Variants in AGBL1 observed in about 807,000 individuals in gnomAD.
AGBL1 encodes AGBL carboxypeptidase 1.
A neutral mutation model predicts 118.9 loss-of-function variants in AGBL1; 130 were observed. The ratio of observed to expected loss-of-function variants is 1.09; its 90% CI spans 0.95 to 1.26. The LOEUF is 1.26. Ranked by LOEUF, AGBL1 falls within the 50% of genes most tolerant of loss-of-function variation. The pLI is 0.00. For missense variants in AGBL1, 1,584 were observed against 1,298.1 expected (o/e 1.22, Z -3.38); for synonymous variants, 555 against 478.9 (o/e 1.16, Z -2.08).
At chr15:86,158,854 T>TA in intron 4 of AGBL1, 79 bp from the exon 5 acceptor site, 1 of 1,288,856 alleles carries the variant, frequency 7.8e-7, no homozygotes, top group African/African-American at 1.5e-5. Flanking sequence ...CTTAAAGATT[T>TA]AAAGGAGTCA....
At chr15:87,006,960 A>G (rs1367876215) in intron 24 of AGBL1, among the ~76,000 whole-genome samples, 1 of 152,184 alleles carries the variant, frequency 6.6e-6, no homozygotes, top group Non-Finnish European at 1.5e-5. Flanking sequence ...GGGTTTTGCT[A>G]TCCCCAAAAC....
chr15:86,686,231 G>A (rs2086053177), intron 22 of AGBL1, among the ~76,000 whole-genome samples: 1 of 152,088 alleles, frequency 6.6e-6, no homozygotes, highest in African/African-American at 2.4e-5. Context: ...AGAAGGCCTG[G>A]AGAGTTTGAA....
chr15:86,899,434 C>G (rs1035993877), intron 22 of AGBL1, among the ~76,000 whole-genome samples: 1 of 152,088 alleles, frequency 6.6e-6, no homozygotes, highest in Admixed American at 6.6e-5. Flanking sequence ...CTATTGGGTA[C>G]TGGCTTAATA....
chr15:86,227,499 G>A (rs2078385458), intron 6 of AGBL1, among the ~76,000 whole-genome samples: 1 of 152,200 alleles, frequency 6.6e-6, no homozygotes, highest in African/African-American at 2.4e-5. Context: ...AACATCCCTG[G>A]CCTCTACCCA....
intron 22 of AGBL1, among the ~76,000 whole-genome samples, chr15:86,743,250 C>T (rs1045487558): frequency 3.3e-5 from 5 of 151,898 alleles, no homozygotes; most frequent in African/African-American, 1.2e-4. Flanking sequence ...ATTGACTTTG[C>T]GATTATTTTT....
intron 18 of AGBL1, among the ~76,000 whole-genome samples, chr15:86,482,794 C>G (rs544734582): frequency 5.2e-4 from 79 of 151,956 alleles, no homozygotes; most frequent in African/African-American, 1.9e-3. Context: ...TTTTTTCAAT[C>G]ATTTTGCTTT....
intron 22 of AGBL1, among the ~76,000 whole-genome samples, chr15:86,785,478 G>A (rs2078397902): frequency 6.6e-6 from 1 of 150,614 alleles, no homozygotes; most frequent in South Asian, 2.1e-4. Context: ...AGGTTCAAGC[G>A]ATCCTCCTGC....
intron 21 of AGBL1, among the ~76,000 whole-genome samples, chr15:86,585,717 G>GA (rs1372182126): frequency 2.6e-5 from 4 of 152,072 alleles, no homozygotes; most frequent in African/African-American, 4.8e-5. Flanking sequence ...AAGGGTTAGA[G>GA]AAAAAATGGT....
chr15:86,791,519 C>T (rs561589065), intron 22 of AGBL1, among the ~76,000 whole-genome samples: 1 of 152,126 alleles, frequency 6.6e-6, no homozygotes, highest in Admixed American at 6.5e-5. Flanking sequence ...CTCAGTACTC[C>T]TTAGGGAAGT....
At chr15:86,208,455 T>C (rs1183289917) in intron 5 of AGBL1, among the ~76,000 whole-genome samples, 2 of 152,162 alleles carry the variant, frequency 1.3e-5, no homozygotes, top group Non-Finnish European at 2.9e-5. Flanking sequence ...GGTCCTGGAC[T>C]TTTTGGATTG....
chr15:86,820,011 T>C (rs1174381627), intron 22 of AGBL1, among the ~76,000 whole-genome samples: 2 of 151,884 alleles, frequency 1.3e-5, no homozygotes, highest in African/African-American at 2.4e-5. Flanking sequence ...ATCTGATCTT[T>C]GACAAACCTG....
intron 17 of AGBL1, among the ~76,000 whole-genome samples, chr15:86,314,730 C>T (rs2079973165): frequency 6.6e-6 from 1 of 152,142 alleles, no homozygotes; most frequent in South Asian, 2.1e-4. Flanking sequence ...AGTAGGAAGT[C>T]CCTTTAATCC....
At chr15:86,110,505 TCGAGAA>T (rs1016388329) in intron 1 of AGBL1, among the ~76,000 whole-genome samples, 32 of 152,114 alleles carry the variant, frequency 2.1e-4, no homozygotes, top group Non-Finnish European at 1.0e-4. Flanking sequence ...TTTGAGTAGG[TCGAGAA>T]GGAGAAGGAA....
At chr15:86,178,185 T>C (rs1049252856) in intron 5 of AGBL1, among the ~76,000 whole-genome samples, 7 of 152,086 alleles carry the variant, frequency 4.6e-5, no homozygotes, top group South Asian at 2.1e-4. Flanking sequence ...TGGTGGCACC[T>C]GCCCGTAATC....
At chr15:86,255,188 C>A (rs2078874977) in intron 7 of AGBL1, among the ~76,000 whole-genome samples, 2 of 152,176 alleles carry the variant, frequency 1.3e-5, no homozygotes. Flanking sequence ...AATATTATAT[C>A]TGATAAGCCA....
At chr15:86,716,625 C>G (rs1407161968) in intron 22 of AGBL1, among the ~76,000 whole-genome samples, 1 of 152,196 alleles carries the variant, frequency 6.6e-6, no homozygotes, top group African/African-American at 2.4e-5. Context: ...AGCCAATACT[C>G]AGCTTTCAGA....
At chr15:86,470,699 C>G (rs2082468495) in intron 18 of AGBL1, among the ~76,000 whole-genome samples, 1 of 152,014 alleles carries the variant, frequency 6.6e-6, no homozygotes, top group African/African-American at 2.4e-5. Context: ...TTTGTGTCGT[C>G]TTAAATTTCT....
At chr15:86,145,334 T>G (rs1268940417) in intron 3 of AGBL1, among the ~76,000 whole-genome samples, 3 of 152,174 alleles carry the variant, frequency 2.0e-5, no homozygotes, top group Non-Finnish European at 2.9e-5. Context: ...TCCATAGTCA[T>G]TTCTCTTTCA....
At chr15:86,496,124 A>G (rs908068649) in intron 18 of AGBL1, among the ~76,000 whole-genome samples, 2 of 151,896 alleles carry the variant, frequency 1.3e-5, no homozygotes, top group African/African-American at 4.8e-5. Flanking sequence ...GTGGGAGGTG[A>G]TTGGATCATG....
Sources: allele counts gnomAD v4.1 joint callset (sites outside exome capture counted in the v4.1 genomes callset), GRCh38; gene constraint gnomAD v4.1.1; transcripts MANE v1.5; gene names NCBI Gene and HGNC (gene_info 2026-07-23, HGNC 2026-07-21).